The following KCNH5 variants were observed in gnomAD, a reference collection of about 807,000 sequenced individuals.
KCNH5 encodes the protein voltage-gated delayed rectifier potassium channel KCNH5.
In KCNH5, 46 loss-of-function variants were observed where a neutral mutation model predicts 96.1. The ratio of observed to expected loss-of-function variants is 0.48; its 90% confidence interval spans 0.38 to 0.61. The LOEUF (loss-of-function observed/expected upper bound fraction) is 0.61. Ranked by LOEUF, KCNH5 falls within the 20% of genes least tolerant of loss-of-function variation. The probability of loss-of-function intolerance (pLI) is 0.00; values close to 1 mark genes in which losing one functional copy is unlikely to be tolerated. For missense variants in KCNH5, 907 were observed against 1,225.8 expected (o/e 0.74, Z 3.88); for synonymous variants, 439 against 449.8 (o/e 0.98, Z 0.30).
At chr14:62,971,263 T>C (rs1315411680) in intron 6 of KCNH5, among the ~76,000 whole-genome samples, 2 of 152,162 alleles carry the variant, frequency 1.3e-5, no homozygotes, top group Non-Finnish European at 2.9e-5. Flanking sequence ...TAATGCCATT[T>C]ACTTTAGCCC....
In KCNH5 at chr14:62,731,125, A is replaced by AC. The variant is rs1394955170; in HGVS notation, c.2020-22671dup. 2.0e-5 allele frequency among the ~76,000 whole-genome samples: 3 copies of AC among 151,916 alleles called. No individual in the cohort carries two copies. The South Asian group carries it at 6.2e-4, about 32-fold the overall frequency. ...AGACCAGCCTGGCCAATATGGTGAA[A>AC]CCCCATCTCTACTAAAAATGCAAAA... On this transcript the variant is annotated intron_variant, in intron 10 of 10. Transcript: ENST00000322893.
intron 7 of KCNH5, among the ~76,000 whole-genome samples, chr14:62,850,624 A>G (rs17223531): frequency 0.04 from 6,142 of 152,176 alleles, 348 homozygotes; most frequent in African/African-American, 0.12. Context: ...TCCTCAATCC[A>G]TAATTCACCA....
At chr14:63,001,483 A>T (rs552256978) in intron 3 of KCNH5, 24 bp from the exon 4 acceptor site, 1 of 1,602,852 alleles carries the variant, frequency 6.2e-7, no homozygotes, top group East Asian at 2.2e-5. Flanking sequence ...AAGTTGGGGA[A>T]AGGACATTAG....
chr14:62,846,800 T>C, intron 8 of KCNH5, among the ~76,000 whole-genome samples: 1 of 121,660 alleles, frequency 8.2e-6, no homozygotes, highest in African/African-American at 3.3e-5. Context: ...TTTTTTTTTT[T>C]TTTTTTTTTT....
At chr14:62,854,820 C>T (rs1887898423) in intron 7 of KCNH5, among the ~76,000 whole-genome samples, 1 of 150,898 alleles carries the variant, frequency 6.6e-6, no homozygotes, top group South Asian at 2.1e-4. Flanking sequence ...TCTTATTCAC[C>T]ACAAAAGGAT....
At chr14:62,725,302 T>G (rs985278347) in intron 10 of KCNH5, among the ~76,000 whole-genome samples, 1 of 152,218 alleles carries the variant, frequency 6.6e-6, no homozygotes, top group Non-Finnish European at 1.5e-5. Context: ...ACTGTCATAT[T>G]CTACTTATCT....
chr14:63,014,863 G>A (rs775439321), intron 2 of KCNH5, among the ~76,000 whole-genome samples: 1 of 152,080 alleles, frequency 6.6e-6, no homozygotes, highest in African/African-American at 2.4e-5. Context: ...TAAGAAATGC[G>A]AGTGTGAGTA....
intron 7 of KCNH5, among the ~76,000 whole-genome samples, chr14:62,939,900 A>G (rs1889756012): frequency 6.6e-6 from 1 of 152,052 alleles, no homozygotes; most frequent in Non-Finnish European, 1.5e-5. Flanking sequence ...AGATCACACC[A>G]TTGCACTACA....
intron 10 of KCNH5, among the ~76,000 whole-genome samples, chr14:62,740,504 C>A (rs941714040): frequency 6.6e-5 from 10 of 152,112 alleles, no homozygotes; most frequent in African/African-American, 2.2e-4. Context: ...CCTAAGCTTG[C>A]CCTTTCTTTT....
chr14:62,776,494 A>T (rs1263176750), intron 10 of KCNH5, among the ~76,000 whole-genome samples: 6 of 152,164 alleles, frequency 3.9e-5, no homozygotes, highest in Non-Finnish European at 8.8e-5. Context: ...CAGAACTGTG[A>T]GAAATAAATT....
chr14:62,957,725 C>G (rs999134119), intron 6 of KCNH5, among the ~76,000 whole-genome samples: 10 of 152,176 alleles, frequency 6.6e-5, no homozygotes, highest in African/African-American at 2.4e-4. Context: ...GCCATGTGAA[C>G]AAGACTCACT....
At chr14:62,950,700 A>T (rs1889987828) in intron 6 of KCNH5, 141 bp from the exon 7 acceptor site, 1 of 579,368 alleles carries the variant, frequency 1.7e-6, no homozygotes, top group African/African-American at 1.9e-5. Context: ...GTCTGATTTT[A>T]AGAAAACAAA....
At chr14:62,884,580 C>T (rs769208124) in intron 7 of KCNH5, among the ~76,000 whole-genome samples, 4 of 152,054 alleles carry the variant, frequency 2.6e-5, no homozygotes, top group African/African-American at 4.8e-5. Flanking sequence ...GAGCTGAGAT[C>T]GCGCCACTGC....
intron 7 of KCNH5, among the ~76,000 whole-genome samples, chr14:62,892,536 T>A (rs1888731495): frequency 6.6e-6 from 1 of 152,226 alleles, no homozygotes; most frequent in Non-Finnish European, 1.5e-5. Context: ...TAAAAATGGC[T>A]ACACTAAACA....
chr14:62,809,074 C>T (rs1886824202), intron 8 of KCNH5, among the ~76,000 whole-genome samples: 1 of 152,068 alleles, frequency 6.6e-6, no homozygotes, highest in African/African-American at 2.4e-5. Context: ...TTGCTTAAAA[C>T]GTTGCTGAGC....
chr14:63,009,315 AAG>A (rs1031031245), intron 2 of KCNH5, among the ~76,000 whole-genome samples: 2 of 152,196 alleles, frequency 1.3e-5, no homozygotes, highest in African/African-American at 2.4e-5. Flanking sequence ...TCAACTTCTG[AAG>A]AGAAGATAAA....
chr14:62,993,090 T>C (rs1480826423), intron 4 of KCNH5, among the ~76,000 whole-genome samples: 1 of 152,100 alleles, frequency 6.6e-6, no homozygotes, highest in Non-Finnish European at 1.5e-5. Flanking sequence ...CCAATATATG[T>C]TCTTATTGGC....
intron 5 of KCNH5, among the ~76,000 whole-genome samples, chr14:62,981,472 G>A (rs187042500): frequency 8.3e-4 from 126 of 152,248 alleles, no homozygotes; most frequent in Non-Finnish European, 1.5e-3. Context: ...GTTCTATCTG[G>A]CATGCTCTGA....
At position 62,727,972 on chromosome 14, in the gene KCNH5, G is replaced by A. The variant is rs190666359; in HGVS notation, c.2020-19517C>T. On this transcript the variant is annotated intron_variant, in intron 10 of 10. Transcript: ENST00000322893. ...GCACTGACTGATATGCATAGCACAC[G>A]AGATACTCCAGAGCAGTCAGCCTGT... Among the ~76,000 whole-genome samples, 4 of 149,042 alleles carry A rather than the reference G, an allele frequency of 2.7e-5. No individual in the cohort carries two copies. In the East Asian group the frequency reaches 5.9e-4, roughly 22 times the overall value.
Sources: allele counts gnomAD v4.1 joint callset (sites outside exome capture counted in the v4.1 genomes callset), GRCh38; gene constraint gnomAD v4.1.1; transcripts MANE v1.5; gene names NCBI Gene and HGNC (gene_info 2026-07-23, HGNC 2026-07-21).